POU6F2: variants seen among roughly 807,000 people sequenced by gnomAD.
POU6F2 encodes POU class 6 homeobox 2.
POU6F2 carries 31 observed loss-of-function variants against 71.3 expected under a neutral mutation model. The observed-to-expected ratio is 0.43, with a 90% CI of 0.33 to 0.59. The LOEUF (loss-of-function observed/expected upper bound fraction) is 0.59. Among genes scored for constraint, POU6F2 ranks in the 20% least tolerant of loss-of-function variants. The pLI, the probability that POU6F2 is intolerant of heterozygous loss-of-function variation, is 0.04. For synonymous variants in POU6F2, 347 were observed against 355.7 expected (o/e 0.98, Z 0.27); for missense variants, 783 against 856.8 (o/e 0.91, Z 1.07).
chr7:39,040,759 T>A (rs1015620097), intron 1 of POU6F2, among the ~76,000 whole-genome samples: 1 of 151,970 alleles, frequency 6.6e-6, no homozygotes, highest in African/African-American at 2.4e-5. Flanking sequence ...TAATCTTCAA[T>A]GAAACAAATT....
intron 7 of POU6F2, 106 bp from the exon 8 acceptor site, chr7:39,451,427 T>C (rs1011973072): frequency 2.5e-5 from 31 of 1,226,390 alleles, no homozygotes; most frequent in Non-Finnish European, 3.2e-5. Context: ...GAAGTATATA[T>C]TCTTGGAAAT....
chr7:39,231,367 T>C (rs1794570847), intron 4 of POU6F2, among the ~76,000 whole-genome samples: 1 of 152,156 alleles, frequency 6.6e-6, no homozygotes, highest in South Asian at 2.1e-4. Context: ...ACAGCAATGA[T>C]AATAGGTAGC....
At chr7:39,173,190 CAT>C (rs1217258369) in intron 2 of POU6F2, among the ~76,000 whole-genome samples, 3 of 152,190 alleles carry the variant, frequency 2.0e-5, no homozygotes, top group Non-Finnish European at 4.4e-5. Flanking sequence ...ATATTTAACA[CAT>C]ATCTGTTTTC....
chr7:39,366,268 C>T (rs1021463100), intron 5 of POU6F2, among the ~76,000 whole-genome samples: 2 of 151,904 alleles, frequency 1.3e-5, no homozygotes, highest in Non-Finnish European at 2.9e-5. Flanking sequence ...TTGGGAGATA[C>T]GGCTGAGGTA....
intron 4 of POU6F2, among the ~76,000 whole-genome samples, chr7:39,285,228 T>C (rs759826888): frequency 3.9e-5 from 6 of 152,226 alleles, no homozygotes; most frequent in Non-Finnish European, 7.3e-5. Flanking sequence ...TTCTATCACC[T>C]GTAATATACC....
chr7:39,081,559 A>G (rs1175264046), intron 1 of POU6F2, among the ~76,000 whole-genome samples: 1 of 152,224 alleles, frequency 6.6e-6, no homozygotes, highest in Non-Finnish European at 1.5e-5. Context: ...AACCAAGGCC[A>G]AAGGTGGTTA....
intron 2 of POU6F2, among the ~76,000 whole-genome samples, chr7:39,188,079 G>A (rs1269970273): frequency 2.6e-5 from 4 of 152,168 alleles, no homozygotes; most frequent in Admixed American, 2.6e-4. Context: ...GATAATGACA[G>A]CCAACATTTG....
At chr7:39,008,657 T>C (rs1380409222) in intron 1 of POU6F2, among the ~76,000 whole-genome samples, 2 of 150,744 alleles carry the variant, frequency 1.3e-5, no homozygotes, top group Non-Finnish European at 3.0e-5. Flanking sequence ...TGGTTTTAGG[T>C]CTAACGTTTA....
At chr7:39,034,303 A>T in intron 1 of POU6F2, 1 of 171,610 alleles carries the variant, frequency 5.8e-6, no homozygotes, top group South Asian at 1.3e-4. Context: ...CTGAACTGGG[A>T]AGGAAGAAAC....
intron 1 of POU6F2, among the ~76,000 whole-genome samples, chr7:39,060,791 C>T: frequency 6.6e-6 from 1 of 151,960 alleles, no homozygotes; most frequent in Admixed American, 6.6e-5. Context: ...TTATTGAAGA[C>T]TGTTGGGTAT....
chr7:39,424,435 C>T (rs1787921856), intron 6 of POU6F2, among the ~76,000 whole-genome samples: 1 of 152,138 alleles, frequency 6.6e-6, no homozygotes, highest in East Asian at 1.9e-4. Flanking sequence ...CAGAACTTTC[C>T]AGTATGCTTT....
intron 1 of POU6F2, among the ~76,000 whole-genome samples, chr7:38,987,286 G>C (rs1788486499): frequency 6.6e-6 from 1 of 152,126 alleles, no homozygotes; most frequent in South Asian, 2.1e-4. Flanking sequence ...AAGAATGACA[G>C]AGAATGGCGT....
In POU6F2 at chr7:39,224,477, T is replaced by C. The variant is rs140760653; in HGVS notation, c.598+16857T>C. Among the ~76,000 whole-genome samples the C allele has an allele frequency of 1.9e-3, 284 of 152,180 alleles. 1 individual carries two copies. The highest frequency in any genetic ancestry group is 3.6e-3 in the Non-Finnish European group (242 of 68,016). ...GGCAGTTATGTCTTCTTAGCTAAAT[T>C]CTCCAAGTCTTTGGAAATGAGGATG... On this transcript the variant is annotated intron_variant, in intron 4 of 9. Transcript: ENST00000518318.
intron 2 of POU6F2, among the ~76,000 whole-genome samples, chr7:39,128,422 G>A (rs1792188542): frequency 6.6e-6 from 1 of 152,152 alleles, no homozygotes; most frequent in South Asian, 2.1e-4. Flanking sequence ...GCATGTTAGG[G>A]TGGTGCAGAG....
chr7:39,309,834 TA>T (rs1335824907), intron 4 of POU6F2, among the ~76,000 whole-genome samples: 1 of 152,194 alleles, frequency 6.6e-6, no homozygotes, highest in Non-Finnish European at 1.5e-5. Context: ...AACAAGTAGC[TA>T]AATTGTGGCC....
intron 4 of POU6F2, among the ~76,000 whole-genome samples, chr7:39,303,156 G>A (rs1390966589): frequency 6.6e-6 from 1 of 151,918 alleles, no homozygotes; most frequent in Non-Finnish European, 1.5e-5. Flanking sequence ...TTTGTTTTTT[G>A]TTTTTTTGGT....
intron 1 of POU6F2, among the ~76,000 whole-genome samples, chr7:39,033,659 T>A (rs1584510125): frequency 6.6e-6 from 1 of 152,228 alleles, no homozygotes; most frequent in East Asian, 1.9e-4. Context: ...TTCATGAGAA[T>A]GTGCCCAGCG....
intron 1 of POU6F2, among the ~76,000 whole-genome samples, chr7:39,007,767 A>C (rs998757326): frequency 1.1e-4 from 17 of 151,502 alleles, no homozygotes; most frequent in Non-Finnish European, 1.9e-4. Flanking sequence ...ATGAGTGAGA[A>C]TATGCGGTGT....
At chr7:39,098,066 C>T (rs1171364645) in intron 2 of POU6F2, among the ~76,000 whole-genome samples, 2 of 152,126 alleles carry the variant, frequency 1.3e-5, no homozygotes, top group Non-Finnish European at 1.5e-5. Context: ...AACACAATTG[C>T]TCTTCTTTAG....
Sources: gnomAD v4.1 joint callset for allele counts (sites outside exome capture counted in the v4.1 genomes callset) on GRCh38, gnomAD v4.1.1 for gene constraint, MANE v1.5 for transcripts, NCBI Gene and HGNC (gene_info 2026-07-23, HGNC 2026-07-21) for gene names.